The following MVB12B variants were observed in gnomAD, a reference collection of about 807,000 sequenced individuals.
The protein encoded by MVB12B is multivesicular body subunit 12B.
Under a neutral mutation model 41.6 loss-of-function variants are expected in MVB12B, and 16 were observed. The observed-to-expected ratio is 0.38, with a 90% CI of 0.26 to 0.58. MVB12B has a LOEUF of 0.58. Among genes scored for constraint, MVB12B ranks in the 20% least tolerant of loss-of-function variants. The pLI is 0.62. For synonymous variants in MVB12B, 133 were observed against 139.7 expected (o/e 0.95, Z 0.34); for missense variants, 274 against 380.2 (o/e 0.72, Z 2.32).
intron 6 of MVB12B, among the ~76,000 whole-genome samples, chr9:126,416,296 C>T (rs1185458792): frequency 6.6e-6 from 1 of 152,206 alleles, no homozygotes; most frequent in Non-Finnish European, 1.5e-5. Flanking sequence ...GCATGGTGGC[C>T]CTCTGTGCCC....
At position 126,486,993 on chromosome 9, in the gene MVB12B, C is replaced by T. The variant is rs1833632966; in HGVS notation, c.873+2961C>T. Among the ~76,000 whole-genome samples, 1 of 146,370 alleles carries T rather than the reference C, an allele frequency of 6.8e-6. No homozygotes were observed. The highest frequency in any genetic ancestry group is 1.5e-5 in the Non-Finnish European group (1 of 67,004). On this transcript the variant is annotated intron_variant, in intron 9 of 9. Coordinates refer to ENST00000361171, the MANE Select transcript of MVB12B (RefSeq NM_033446.3). This position sits in a 1 kb window ranked among gnomAD's most constrained non-coding sequence, Gnocchi z 4.7. ...AACCCTGCAAACCTTATTCTCTTCC[C>T]CACTCTAAGGACTGAAATCTGTGAT...
chr9:126,452,462 C>T lies in MVB12B; in HGVS notation c.758-28907C>T, dbSNP rs376635585. Among the ~76,000 whole-genome samples, 11 of 152,322 alleles carry T rather than the reference C, an allele frequency of 7.2e-5. No individual in the cohort carries two copies. The East Asian group carries it at 1.4e-3, about 19-fold the overall frequency. ...TGCCTGGGAGCTGGGGAAATGTGTT[C>T]CCTGTTAGAGCGCTGTCCATTTGGT... On this transcript the variant is annotated intron_variant, in intron 7 of 9. Transcript: ENST00000361171.
At chr9:126,396,476 C>T in intron 6 of MVB12B, 2 of 985,470 alleles carry the variant, frequency 2.0e-6, no homozygotes, top group Non-Finnish European at 2.4e-6. Context: ...GAATGGATCT[C>T]CAAGCTTCCA....
At chr9:126,347,074 G>T (rs1032014227) in intron 2 of MVB12B, among the ~76,000 whole-genome samples, 2 of 152,236 alleles carry the variant, frequency 1.3e-5, no homozygotes, top group African/African-American at 4.8e-5. Flanking sequence ...CTTTGTTAAA[G>T]GTAGGAAAGT....
intron 9 of MVB12B, among the ~76,000 whole-genome samples, chr9:126,495,206 AATGAG>A (rs1337481885): frequency 6.6e-6 from 1 of 150,934 alleles, no homozygotes; most frequent in Non-Finnish European, 1.5e-5. Context: ...AAAAAAAAAA[AATGAG>A]AGAGAGAGAA....
intron 6 of MVB12B, among the ~76,000 whole-genome samples, chr9:126,402,647 T>TA (rs924957613): frequency 0.011 from 1,648 of 148,770 alleles, 29 homozygotes; most frequent in African/African-American, 0.038. Context: ...GACCCTATCT[T>TA]AAAAAAAAAA....
chr9:126,396,433 A>G (rs1831114930), intron 6 of MVB12B: 16 of 985,560 alleles, frequency 1.6e-5, no homozygotes, highest in Non-Finnish European at 1.8e-5. Flanking sequence ...ACGGTGAGGC[A>G]GCAACACTTA....
At chr9:126,378,624 T>TCTGTCTCTCTC (rs1564298249) in intron 2 of MVB12B, among the ~76,000 whole-genome samples, 16 of 151,656 alleles carry the variant, frequency 1.1e-4, no homozygotes, top group Admixed American at 3.3e-4. Context: ...TCTCTCTCTC[T>TCTGTCTCTCTC]TCTCTGTCTC....
At chr9:126,406,614 C>G (rs191330414) in intron 6 of MVB12B, among the ~76,000 whole-genome samples, 10 of 152,308 alleles carry the variant, frequency 6.6e-5, no homozygotes, top group Admixed American at 3.3e-4. Context: ...GGTTTAGAGA[C>G]TCTTTAAATA....
At chr9:126,380,642 C>T (rs754379442) in intron 2 of MVB12B, among the ~76,000 whole-genome samples, 55 of 152,278 alleles carry the variant, frequency 3.6e-4, no homozygotes, top group Non-Finnish European at 6.9e-4. Flanking sequence ...GGCCCTAGAG[C>T]AGGAGGCTGT....
intron 9 of MVB12B, among the ~76,000 whole-genome samples, chr9:126,495,722 G>A (rs901366987): frequency 2.0e-5 from 3 of 152,020 alleles, no homozygotes; most frequent in Non-Finnish European, 4.4e-5. Flanking sequence ...TGAGAATGAG[G>A]GTCTGGAATT....
Position 126,336,510 on chromosome 9 carries a change from G to A in MVB12B, c.82-3998G>A, listed in dbSNP as rs79510348. On this transcript the variant is annotated intron_variant, in intron 1 of 9. Transcript: ENST00000361171. ...AAAGTTCATTTCTCCGTGAACCCGG[G>A]ATGACAACCTTGGCTAGGTGCTGCA... Among the ~76,000 whole-genome samples, 1,243 of 152,308 alleles carry A rather than the reference G, an allele frequency of 8.2e-3. 8 individuals carry two copies. The highest frequency in any genetic ancestry group is 0.013 in the Non-Finnish European group (907 of 68,026).
At chr9:126,425,047 T>C (rs948455194) in intron 7 of MVB12B, among the ~76,000 whole-genome samples, 2 of 152,220 alleles carry the variant, frequency 1.3e-5, no homozygotes, top group African/African-American at 4.8e-5. Flanking sequence ...AAAAGATGTA[T>C]GTGAATATTG....
chr9:126,420,598 G>T (rs1209045250), intron 6 of MVB12B, among the ~76,000 whole-genome samples: 1 of 109,166 alleles, frequency 9.2e-6, no homozygotes, highest in Admixed American at 1.1e-4. Flanking sequence ...TTTTTTTGAG[G>T]CAGAGTTTTG....
At chr9:126,345,417 C>T (rs556916558) in intron 2 of MVB12B, among the ~76,000 whole-genome samples, 5 of 152,372 alleles carry the variant, frequency 3.3e-5, no homozygotes, top group East Asian at 1.9e-4. Flanking sequence ...CCTCAGGCTC[C>T]GTGACTCTTT....
At chr9:126,366,109 T>C (rs990953842) in intron 2 of MVB12B, among the ~76,000 whole-genome samples, 1 of 152,076 alleles carries the variant, frequency 6.6e-6, no homozygotes, top group Non-Finnish European at 1.5e-5. Context: ...GACATGCCTC[T>C]GTCCCCTCTG....
intron 2 of MVB12B, among the ~76,000 whole-genome samples, chr9:126,370,629 A>C (rs140283665): frequency 2.8e-4 from 43 of 151,942 alleles, no homozygotes; most frequent in African/African-American, 9.9e-4. Flanking sequence ...TGATCCACCC[A>C]CCTCGACCTC....
intron 5 of MVB12B, among the ~76,000 whole-genome samples, chr9:126,393,845 C>A (rs146645067): frequency 6.6e-5 from 10 of 152,382 alleles, no homozygotes; most frequent in African/African-American, 2.2e-4. Context: ...TCCTCGGCTT[C>A]TGAGGCCAGC....
chr9:126,387,678 A>G (rs10819153), intron 4 of MVB12B, among the ~76,000 whole-genome samples: 120,544 of 152,202 alleles, frequency 0.79, 48,245 homozygotes, highest in South Asian at 0.9. Context: ...TTTATGTATT[A>G]CCTGATAATC....
Sources: gnomAD v4.1 joint callset for allele counts (sites outside exome capture counted in the v4.1 genomes callset) on GRCh38, gnomAD v4.1.1 for gene constraint, Gnocchi (gnomAD v3.1) non-coding constraint, MANE v1.5 for transcripts, NCBI Gene and HGNC (gene_info 2026-07-23, HGNC 2026-07-21) for gene names.